GAST: variants seen among roughly 807,000 people sequenced by gnomAD.
The protein encoded by GAST is gastrin, also known as preprogastrin.
Under a neutral mutation model 12.5 loss-of-function variants are expected in GAST, and 9 were observed. That is an observed-to-expected ratio of 0.72 (90% CI 0.43 to 1.25). The LOEUF is 1.25. Ranked by LOEUF, GAST falls within the 50% of genes most tolerant of loss-of-function variation. The pLI is 0.00. For missense variants in GAST, 121 were observed against 127.7 expected, an observed-to-expected ratio of 0.95 and a Z score of 0.25; for synonymous variants, 52 against 51.1, an observed-to-expected ratio of 1.02 and a Z score of -0.08.
chr17:41,714,726 G>A (rs538390243), intron 1 of GAST, among the ~76,000 whole-genome samples: 1 of 152,202 alleles, frequency 6.6e-6, no homozygotes, highest in Non-Finnish European at 1.5e-5. Flanking sequence ...AGTGAGCAGT[G>A]ATTGCACTAC....
At position 41,715,618 on chromosome 17, in the gene GAST, G is replaced by T. The variant is rs782745910; in HGVS notation, c.182G>T (p.Gly61Val). ...GPASHHRRQL[G>V]PQGPPHLVAD... ...GCCTCTCATCATCGAAGGCAGCTGG[G>T]ACCCCAGGGTCCCCCACACCTCGTG... The change falls in exon 2 of 3, where the codon GGA becomes GTA. Residue 61 changes from glycine (G) to valine (V), a missense_variant. Transcript: ENST00000329402. 2 of 1,613,722 alleles carry T rather than the reference G, an allele frequency of 1.2e-6. No homozygotes were observed. The highest frequency in any genetic ancestry group is 2.2e-5 in the South Asian group (2 of 91,088).
chr17:41,715,376 C>T, intron 1 of GAST, 56 bp from the exon 2 acceptor site: 5 of 1,397,160 alleles, frequency 3.6e-6, no homozygotes, highest in Non-Finnish European at 5.0e-6. Flanking sequence ...TCCCCTGCCT[C>T]TGGGCCTCTG....
chr17:41,712,861 T>C (rs1461902273), intron 1 of GAST, among the ~76,000 whole-genome samples: 2 of 152,198 alleles, frequency 1.3e-5, no homozygotes, highest in Non-Finnish European at 2.9e-5. Context: ...TCATCTGCAC[T>C]GTTCAATATG....
intron 1 of GAST, among the ~76,000 whole-genome samples, chr17:41,712,926 T>C (rs1364823297): frequency 6.6e-6 from 1 of 152,026 alleles, no homozygotes; most frequent in South Asian, 2.1e-4. Flanking sequence ...GAAGTTTTTG[T>C]TGTTGTTGTT....
At chr17:41,715,327 A>T (rs916627168) in intron 1 of GAST, 105 bp from the exon 2 acceptor site, 1 of 762,300 alleles carries the variant, frequency 1.3e-6, no homozygotes, top group East Asian at 2.6e-5. Context: ...AGAATTGCAC[A>T]CTCATCAGCA....
intron 1 of GAST, among the ~76,000 whole-genome samples, chr17:41,714,113 C>T (rs1214272060): frequency 2.0e-5 from 3 of 152,206 alleles, no homozygotes; most frequent in Non-Finnish European, 2.9e-5. Flanking sequence ...TGATAACATG[C>T]GGTCTGTAAC....
At position 41,715,464 on chromosome 17, in the gene GAST, A is replaced by C; in HGVS notation, c.28A>C (p.Ile10Leu). 6.2e-7 allele frequency: 1 copy of C among 1,613,872 alleles called. No individual in the cohort carries two copies. The highest frequency in any genetic ancestry group is 8.5e-7 in the Non-Finnish European group (1 of 1,179,962). The part of the protein sequence containing the change: MQRLCVYVL[I>L]FALALAAFSE... ...GCAGCGACTGTGTGTGTATGTGCTG[A>C]TCTTTGCACTGGCTCTGGCCGCCTT... Residue 10 changes from isoleucine (I) to leucine (L), a missense_variant, in exon 2 of 3, where the codon ATC (isoleucine) becomes CTC (leucine). Physicochemically the swap from Ile to Leu is conservative, Grantham distance 5. Coordinates refer to ENST00000329402, the MANE Select transcript of GAST (RefSeq NM_000805.5).
At chr17:41,712,671 T>C (rs1193483886) in intron 1 of GAST, among the ~76,000 whole-genome samples, 1 of 152,110 alleles carries the variant, frequency 6.6e-6, no homozygotes, top group East Asian at 1.9e-4. Flanking sequence ...AGGACTGGGG[T>C]TCTTCTCCTT....
intron 1 of GAST, among the ~76,000 whole-genome samples, chr17:41,713,289 A>G (rs1430240956): frequency 1.3e-5 from 2 of 152,210 alleles, no homozygotes. Context: ...TGAACAACAC[A>G]TGTGGTTAGC....
intron 2 of GAST, 38 bp from the exon 3 acceptor site, chr17:41,715,740 G>C (rs782797563): frequency 1.3e-6 from 2 of 1,586,566 alleles, no homozygotes; most frequent in Non-Finnish European, 1.7e-6. Flanking sequence ...TGGAAGGTAG[G>C]CATCCTTCCC....
At chr17:41,713,014 C>G (rs1567773140) in intron 1 of GAST, among the ~76,000 whole-genome samples, 1 of 152,084 alleles carries the variant, frequency 6.6e-6, no homozygotes, top group Non-Finnish European at 1.5e-5. Flanking sequence ...CTCCCAGGTT[C>G]AAGCAATTCT....
intron 1 of GAST, among the ~76,000 whole-genome samples, chr17:41,714,520 G>A (rs1266185113): frequency 3.3e-5 from 5 of 151,958 alleles, no homozygotes; most frequent in South Asian, 2.1e-4. Context: ...ATCTGTAATC[G>A]CAGCACTTTG....
intron 1 of GAST, 139 bp from the exon 2 acceptor site, chr17:41,715,291 ACT>A: frequency 3.1e-6 from 2 of 636,514 alleles, no homozygotes; most frequent in Admixed American, 2.9e-5. Context: ...CAAGAGTGAA[ACT>A]CTGTCTAAAA....
chr17:41,715,381 C>G, intron 1 of GAST, 51 bp from the exon 2 acceptor site: 1 of 1,434,654 alleles, frequency 7.0e-7, no homozygotes, highest in Non-Finnish European at 9.7e-7. Context: ...TGCCTCTGGG[C>G]CTCTGTGGGG....
In GAST at chr17:41,715,480, T is replaced by C; in HGVS notation, c.44T>C (p.Leu15Pro). The change falls in exon 2 of 3, where the codon CTG becomes CCG. Residue 15 changes from leucine (L) to proline (P), a missense_variant. By Grantham distance (98) the Leu-to-Pro change is moderately conservative (BLOSUM62 -3). Coordinates refer to ENST00000329402, the MANE Select transcript of GAST (RefSeq NM_000805.5). ...CVYVLIFALA[L>P]AAFSEASWKP... ...TATGTGCTGATCTTTGCACTGGCTC[T>C]GGCCGCCTTCTCTGAAGCTTCTTGG... The C allele has an allele frequency of 1.2e-6, 2 of 1,614,000 alleles. No homozygotes were observed. The highest frequency in any genetic ancestry group is 1.7e-6 in the Non-Finnish European group (2 of 1,180,036).
intron 1 of GAST, among the ~76,000 whole-genome samples, chr17:41,714,401 G>A (rs1458620039): frequency 1.3e-5 from 2 of 152,040 alleles, no homozygotes; most frequent in East Asian, 3.9e-4. Flanking sequence ...TCAAACTTGT[G>A]GGCTCAAGGG....
Position 41,715,545 on chromosome 17 carries a change from G to A in GAST, c.109G>A (p.Gly37Arg). 6.2e-7 allele frequency: 1 copy of A among 1,613,450 alleles called. No homozygotes were observed. The highest frequency in any genetic ancestry group is 8.5e-7 in the Non-Finnish European group (1 of 1,180,034). Residue 37 changes from glycine (G) to arginine (R), a missense_variant, in exon 2 of 3, where the codon GGG becomes AGG. Gly to Arg is a moderately radical substitution (Grantham distance 125). Coordinates refer to ENST00000329402, the MANE Select transcript of GAST (RefSeq NM_000805.5). ...SQQPDAPLGT[G>R]ANRDLELPWL... ...GCAGCCAGATGCACCCTTAGGTACA[G>A]GGGCCAACAGGGACCTGGAGCTACC...
Position 41,715,655 on chromosome 17 carries a change from C to T in GAST, c.211+8C>T. 2 of 1,612,626 alleles carry T rather than the reference C, an allele frequency of 1.2e-6. No homozygotes were observed. Among genetic ancestry groups the T allele is most frequent in the Non-Finnish European group, 1.7e-6 (2 of 1,179,172 alleles). On this transcript the variant is annotated splice_region_variant and intron_variant, in intron 2 of 2. Coordinates refer to ENST00000329402, the MANE Select transcript of GAST (RefSeq NM_000805.5). ...CCCCACACCTCGTGGCAGGTAGGAG[C>T]TGCTGACTGCCCTGCTTGCCTCACT...
intron 1 of GAST, among the ~76,000 whole-genome samples, chr17:41,713,632 G>T (rs1910907680): frequency 6.6e-6 from 1 of 152,134 alleles, no homozygotes; most frequent in South Asian, 2.1e-4. Flanking sequence ...AAGAGGTCGA[G>T]GCTGCAGCGA....
Sources: allele counts gnomAD v4.1 joint callset (sites outside exome capture counted in the v4.1 genomes callset), GRCh38; gene constraint gnomAD v4.1.1; transcripts MANE v1.5; gene names NCBI Gene and HGNC (gene_info 2026-07-23, HGNC 2026-07-21).